The following IL1RAPL2 variants were observed in gnomAD, a reference collection of about 807,000 sequenced individuals.
The protein encoded by IL1RAPL2 is interleukin 1 receptor accessory protein like 2.
A neutral mutation model predicts 44.1 loss-of-function variants in IL1RAPL2; 3 were observed. The observed-to-expected ratio is 0.07, with a 90% CI of 0.03 to 0.18. The LOEUF (loss-of-function observed/expected upper bound fraction) is 0.18, where lower values mean the gene tolerates loss of function less well. Among genes scored for constraint, IL1RAPL2 ranks in the 10% least tolerant of loss-of-function variants. The pLI, the probability that IL1RAPL2 is intolerant of heterozygous loss-of-function variation, is 1.00. For missense variants in IL1RAPL2, 391 were observed against 496.4 expected, an observed-to-expected ratio of 0.79 and a Z score of 2.02; for synonymous variants, 181 against 178.8, an observed-to-expected ratio of 1.01 and a Z score of -0.10.
Position 105,160,555 on chromosome X carries a change from G to C in IL1RAPL2, c.83-34920G>C, listed in dbSNP as rs181935078. 5.3e-3 allele frequency among the ~76,000 whole-genome samples: 585 copies of C among 110,383 alleles called. 7 individuals carry two copies. The highest frequency in any genetic ancestry group is 0.018 in the African/African-American group (559 of 30,365). ...TTCAATTGTGCAAATGCTTGAAAAAGTTTCTCTGGAAAAAAAAATATATTA... is the reference window on the plus strand; with the variant it reads ...TTCAATTGTGCAAATGCTTGAAAAACTTTCTCTGGAAAAAAAAATATATTA... On this transcript the variant is annotated intron_variant, in intron 2 of 10. Coordinates refer to ENST00000372582, the MANE Select transcript of IL1RAPL2 (RefSeq NM_017416.2).
At chrX:105,497,584 A>G (rs1032221610) in intron 6 of IL1RAPL2, among the ~76,000 whole-genome samples, 1 of 111,935 alleles carries the variant, frequency 8.9e-6, no homozygotes, top group Admixed American at 9.5e-5. Context: ...CTCATTCAGC[A>G]TTACCTTAAT....
intron 2 of IL1RAPL2, among the ~76,000 whole-genome samples, chrX:105,161,990 T>G (rs2033329223): frequency 8.9e-6 from 1 of 111,856 alleles, no homozygotes; most frequent in South Asian, 3.7e-4. Context: ...TTGGAATACA[T>G]TTTCTTAGCC....
intron 2 of IL1RAPL2, among the ~76,000 whole-genome samples, chrX:104,967,925 G>A (rs2030158557): frequency 9.1e-6 from 1 of 110,297 alleles, no homozygotes. Flanking sequence ...ACAAAAAAAG[G>A]ACCTTAAGAA....
chrX:104,940,159 AC>A (rs1925129638), intron 2 of IL1RAPL2, among the ~76,000 whole-genome samples: 1 of 111,910 alleles, frequency 8.9e-6, no homozygotes. Context: ...TGGTTAATAC[AC>A]AAATATCCGT....
chrX:105,547,905 A>G (rs1479472727), intron 6 of IL1RAPL2, among the ~76,000 whole-genome samples: 1 of 112,579 alleles, frequency 8.9e-6, no homozygotes, highest in Non-Finnish European at 1.9e-5. Context: ...ATGCAAGGAT[A>G]GGGAAAATTT....
intron 1 of IL1RAPL2, among the ~76,000 whole-genome samples, chrX:104,650,627 C>T (rs1045246587): frequency 9.0e-5 from 10 of 111,377 alleles, no homozygotes; most frequent in African/African-American, 3.3e-4. Flanking sequence ...GAATCACCTA[C>T]TGAACATGCT....
At chrX:104,598,540 T>C (rs1928812166) in intron 1 of IL1RAPL2, among the ~76,000 whole-genome samples, 1 of 112,086 alleles carries the variant, frequency 8.9e-6, no homozygotes, top group South Asian at 3.8e-4. Flanking sequence ...TATTTATCTT[T>C]GTGTTCCTTT....
rs1247382294 is a variant in IL1RAPL2, at chrX:104,679,139, A to G, written c.82+20144A>G. On this transcript the variant is annotated intron_variant, in intron 2 of 10. Transcript: ENST00000372582. ...GGCCCTTAGCACACAATTGTTTAAA[A>G]TCCACTACCCGTTGTGTACTTTTGT... 3.6e-5 allele frequency among the ~76,000 whole-genome samples: 4 copies of G among 111,315 alleles called. No homozygotes were observed. The East Asian group carries it at 1.1e-3, about 32-fold the overall frequency.
At chrX:104,889,994 C>T (rs1923373963) in intron 2 of IL1RAPL2, among the ~76,000 whole-genome samples, 1 of 110,935 alleles carries the variant, frequency 9.0e-6, no homozygotes, top group Admixed American at 9.6e-5. Context: ...GTTCCCCTTC[C>T]TGTGTCCAAG....
intron 2 of IL1RAPL2, among the ~76,000 whole-genome samples, chrX:105,085,212 C>T (rs928540493): frequency 4.5e-5 from 5 of 111,501 alleles, no homozygotes; most frequent in Admixed American, 1.9e-4. Flanking sequence ...TTCTACACAG[C>T]GAAGGAAACA....
intron 2 of IL1RAPL2, among the ~76,000 whole-genome samples, chrX:105,082,908 C>T (rs1444435955): frequency 5.4e-5 from 6 of 111,227 alleles, no homozygotes; most frequent in African/African-American, 2.0e-4. Flanking sequence ...CAAAGGATCA[C>T]AACTCCTCGC....
intron 6 of IL1RAPL2, among the ~76,000 whole-genome samples, chrX:105,576,043 T>C (rs1029725122): frequency 9.0e-6 from 1 of 111,693 alleles, no homozygotes; most frequent in Non-Finnish European, 1.9e-5. Context: ...AAATTTAAGT[T>C]CCTTATACAT....
chrX:104,618,550 C>A (rs2148006913), intron 1 of IL1RAPL2, among the ~76,000 whole-genome samples: 1 of 111,672 alleles, frequency 9.0e-6, no homozygotes, highest in South Asian at 3.8e-4. Flanking sequence ...GCTCCAGATA[C>A]CTGGAGATCT....
chrX:105,603,753 T>A (rs2037272142), intron 6 of IL1RAPL2, among the ~76,000 whole-genome samples: 1 of 111,577 alleles, frequency 9.0e-6, no homozygotes, highest in Admixed American at 9.5e-5. Context: ...TGTAACATTA[T>A]CCAGTATAGA....
intron 3 of IL1RAPL2, among the ~76,000 whole-genome samples, chrX:105,232,046 C>A (rs1359709717): frequency 9.0e-6 from 1 of 111,437 alleles, no homozygotes; most frequent in Admixed American, 9.5e-5. Flanking sequence ...TCCAGGAACC[C>A]ATGTAGAGGA....
rs185326189 is a variant in IL1RAPL2 at position 104,634,193 on chromosome X, A to C, written c.-19-24702A>C. Among the ~76,000 whole-genome samples, 10 of 111,399 alleles carry C rather than the reference A, an allele frequency of 9.0e-5. No homozygotes were observed. In the East Asian group the frequency reaches 2.5e-3, roughly 28 times the overall value. On this transcript the variant is annotated intron_variant, in intron 1 of 10. Transcript: ENST00000372582. ...TAATCCTGAGTTCTAGTTTGATTGC[A>C]CTGTGGTCTGAGAGACAGTTTGTTA... is the stretch of plus-strand genomic sequence containing the variant.
chrX:104,653,690 A>C (rs1930195904), intron 1 of IL1RAPL2, among the ~76,000 whole-genome samples: 1 of 111,154 alleles, frequency 9.0e-6, no homozygotes, highest in African/African-American at 3.3e-5. Flanking sequence ...AATTCTGGGA[A>C]AAGAGGATCC....
intron 6 of IL1RAPL2, among the ~76,000 whole-genome samples, chrX:105,646,285 A>G (rs1166162654): frequency 8.9e-6 from 1 of 111,962 alleles, no homozygotes; most frequent in African/African-American, 3.2e-5. Context: ...GCTTTGTCCA[A>G]TAGTTCAAAC....
At chrX:105,124,391 A>G (rs1688822757) in intron 2 of IL1RAPL2, among the ~76,000 whole-genome samples, 1 of 111,146 alleles carries the variant, frequency 9.0e-6, no homozygotes, top group South Asian at 3.7e-4. Context: ...AAGCCCATCC[A>G]TATACCTCAG....
Sources: gnomAD v4.1 joint callset for allele counts (sites outside exome capture counted in the v4.1 genomes callset) on GRCh38, gnomAD v4.1.1 for gene constraint, MANE v1.5 for transcripts, NCBI Gene and HGNC (gene_info 2026-07-23, HGNC 2026-07-21) for gene names.